Variants in TMTC1 observed in about 807,000 individuals in gnomAD.
The protein encoded by TMTC1 is transmembrane O-mannosyltransferase targeting cadherins 1.
A neutral mutation model predicts 104.8 loss-of-function variants in TMTC1; 73 were observed. The observed-to-expected ratio is 0.70, with a 90% confidence interval of 0.58 to 0.85. The LOEUF (loss-of-function observed/expected upper bound fraction) is 0.85, where lower values mean the gene tolerates loss of function less well. Ranked by LOEUF, TMTC1 falls within the 40% of genes least tolerant of loss-of-function variation. The pLI is 0.00. For synonymous variants in TMTC1, 434 were observed against 428.7 expected (o/e 1.01, Z -0.15); for missense variants, 1,035 against 1,096.1 (o/e 0.94, Z 0.79).
At chr12:29,675,644 T>C (rs1398245208) in intron 5 of TMTC1, among the ~76,000 whole-genome samples, 1 of 151,276 alleles carries the variant, frequency 6.6e-6, no homozygotes, top group Non-Finnish European at 1.5e-5. Context: ...TCCATGACTT[T>C]CTGTTTCTTG....
chr12:29,558,984 G>T (rs1945314477), intron 9 of TMTC1, among the ~76,000 whole-genome samples: 2 of 152,208 alleles, frequency 1.3e-5, no homozygotes, highest in South Asian at 4.1e-4. Flanking sequence ...TTCTAAAGAA[G>T]CTTTGGCTTT....
At chr12:29,613,414 A>G (rs901327394) in intron 6 of TMTC1, among the ~76,000 whole-genome samples, 3 of 152,198 alleles carry the variant, frequency 2.0e-5, no homozygotes, top group African/African-American at 7.2e-5. Flanking sequence ...GGGGGTGGAG[A>G]GAGACAGCCA....
chr12:29,624,151 T>C (rs929877601), intron 6 of TMTC1, among the ~76,000 whole-genome samples: 1 of 151,976 alleles, frequency 6.6e-6, no homozygotes, highest in Non-Finnish European at 1.5e-5. Context: ...AGCTACTTTT[T>C]ATATTTTTAG....
chr12:29,687,255 T>C (rs1941123229), intron 5 of TMTC1, among the ~76,000 whole-genome samples: 1 of 152,038 alleles, frequency 6.6e-6, no homozygotes, highest in Admixed American at 6.5e-5. Flanking sequence ...ACATGATGAG[T>C]AGTGGACAAA....
chr12:29,746,103 G>C (rs891614763), intron 5 of TMTC1, among the ~76,000 whole-genome samples: 1 of 152,120 alleles, frequency 6.6e-6, no homozygotes, highest in Admixed American at 6.5e-5. Context: ...TTTCTAACGT[G>C]CATCACTGAG....
At chr12:29,599,969 T>C (rs1480550247) in intron 7 of TMTC1, among the ~76,000 whole-genome samples, 4 of 96,046 alleles carry the variant, frequency 4.2e-5, no homozygotes, top group African/African-American at 2.9e-4. Context: ...TATATATATA[T>C]GTGTGTGTGT....
chr12:29,517,408 T>C lies in TMTC1; in HGVS notation c.2169+19A>G. The C allele has an allele frequency of 1.2e-6, 2 of 1,613,576 alleles. No homozygotes were observed. Among genetic ancestry groups the C allele is most frequent in the Non-Finnish European group, 1.7e-6 (2 of 1,179,820 alleles). On this transcript the variant is annotated intron_variant, in intron 14 of 17. Coordinates refer to ENST00000539277, the MANE Select transcript of TMTC1 (RefSeq NM_001193451.2). ...CCTGTGCTTAGGTTGCCAGCTTCAT[T>C]TTCTTTCATCCTACTCACCAGTGCC...
At chr12:29,723,508 C>A (rs1942296396) in intron 5 of TMTC1, among the ~76,000 whole-genome samples, 1 of 151,998 alleles carries the variant, frequency 6.6e-6, no homozygotes, top group East Asian at 1.9e-4. Context: ...ATCTCTTGAG[C>A]ACAGGAGTTA....
chr12:29,552,321 C>T lies in TMTC1; in HGVS notation c.1676+4536G>A, dbSNP rs576772223. 1.4e-3 allele frequency among the ~76,000 whole-genome samples: 214 copies of T among 151,940 alleles called. 1 individual carries two copies. The highest frequency in any genetic ancestry group is 2.9e-5 in the Non-Finnish European group (2 of 67,970). On this transcript the variant is annotated intron_variant, in intron 10 of 17. Coordinates refer to ENST00000539277, the MANE Select transcript of TMTC1 (RefSeq NM_001193451.2). ...TCTCAGTAATATTTTCAATTTCTCA[C>T]ATTAAATTTTAAAAATTATGTTTTA...
At chr12:29,539,739 G>A (rs7306397) in intron 10 of TMTC1, among the ~76,000 whole-genome samples, 116,654 of 152,230 alleles carry the variant, frequency 0.77, 44,868 homozygotes, top group Middle Eastern at 0.87. Context: ...GATGCCCTCC[G>A]TATGAATATG....
rs34310782 is a variant in TMTC1, at chr12:29,535,156, T to C, written c.1785+1053A>G. On this transcript the variant is annotated intron_variant, in intron 11 of 17. Coordinates refer to ENST00000539277, the MANE Select transcript of TMTC1 (RefSeq NM_001193451.2). ...AGGAAGGGTCCAGGGTGAGGTGAGA[T>C]GAAGCAACACTGATGAAGCCAGCCT... 1,463 of 152,258 alleles carry C rather than the reference T, an allele frequency of 9.6e-3. 17 individuals are homozygous for C. Among genetic ancestry groups the C allele is most frequent in the South Asian group, 0.038 (182 of 4,816 alleles). 9.4% of individuals were successfully genotyped at this position (152,258 alleles called of 1,614,324 possible).
At chr12:29,644,020 TATATATAAATATAA>T (rs1159364481) in intron 5 of TMTC1, among the ~76,000 whole-genome samples, 1 of 116,256 alleles carries the variant, frequency 8.6e-6, no homozygotes, top group Non-Finnish European at 1.6e-5. Flanking sequence ...ATATATAATT[TATATATAAATATAA>T]ATATATAATT....
intron 5 of TMTC1, among the ~76,000 whole-genome samples, chr12:29,642,042 G>C (rs1938877291): frequency 6.6e-6 from 1 of 151,940 alleles, no homozygotes; most frequent in South Asian, 2.1e-4. Flanking sequence ...CAAAGACAAA[G>C]AAAAAAGAAT....
rs1413297196 is a variant in TMTC1, at chr12:29,725,020, T to A, written c.938+26646A>T. On this transcript the variant is annotated intron_variant, in intron 5 of 17. Transcript: ENST00000539277. ...GCTATATATCTGCCAAGTTCTTTTT[T>A]TTTTTTTTTTTTTTTTTTGAGATGG... is the stretch of plus-strand genomic sequence containing the variant. 2.8e-4 allele frequency among the ~76,000 whole-genome samples: 37 copies of A among 130,324 alleles called. 1 individual carries two copies. The South Asian group carries it at 1.0e-2, about 35-fold the overall frequency. The allele number at this position is 130,324 out of a possible 152,430, so 85.5% of individuals were successfully genotyped here.
intron 5 of TMTC1, among the ~76,000 whole-genome samples, chr12:29,667,976 A>G (rs1370856565): frequency 2.0e-5 from 3 of 152,224 alleles, no homozygotes; most frequent in African/African-American, 7.2e-5. Context: ...GGCTGGCAAG[A>G]GGCAAAGGTG....
rs751649708 is a variant in TMTC1, at chr12:29,516,347, A to G, written c.2307+2T>C. The G allele has an allele frequency of 6.2e-7, 1 of 1,612,566 alleles. No individual in the cohort carries two copies. The highest frequency in any genetic ancestry group is 1.7e-5 in the Admixed American group (1 of 59,842). On this transcript the variant is annotated splice_donor_variant, in intron 15 of 17. Transcript: ENST00000539277. LOFTEE classifies it high-confidence loss of function. ...AGAACTCTAAACAATGTCCTTCTTT[A>G]CCTTGTCGTGGTTCTCCTGCTTGCT... is the stretch of plus-strand genomic sequence containing the variant.
intron 5 of TMTC1, among the ~76,000 whole-genome samples, chr12:29,684,576 GCTTTTTATTT>G (rs1440745160): frequency 1.3e-5 from 2 of 152,088 alleles, no homozygotes; most frequent in African/African-American, 4.8e-5. Flanking sequence ...GTCATCAGGA[GCTTTTTATTT>G]CTTTTTATTT....
chr12:29,668,005 A>G (rs1940348899), intron 5 of TMTC1, among the ~76,000 whole-genome samples: 1 of 152,216 alleles, frequency 6.6e-6, no homozygotes, highest in South Asian at 2.1e-4. Flanking sequence ...ATCTAAATCC[A>G]AATCAAGCAT....
chr12:29,724,033 G>C (rs1386492439), intron 5 of TMTC1, among the ~76,000 whole-genome samples: 1 of 152,142 alleles, frequency 6.6e-6, no homozygotes, highest in Admixed American at 6.6e-5. Flanking sequence ...TGTGAATCTT[G>C]GAGGAACAGA....
Sources: allele counts gnomAD v4.1 joint callset (sites outside exome capture counted in the v4.1 genomes callset), GRCh38; gene constraint gnomAD v4.1.1; transcripts MANE v1.5; gene names NCBI Gene and HGNC (gene_info 2026-07-23, HGNC 2026-07-21).